The following HEG1 variants were observed in gnomAD, a reference collection of about 807,000 sequenced individuals.
The protein encoded by HEG1 is protein HEG homolog 1.
HEG1 carries 56 observed loss-of-function variants against 125.6 expected under a neutral mutation model. The ratio of observed to expected loss-of-function variants is 0.45; its 90% confidence interval spans 0.36 to 0.56. HEG1 has a LOEUF of 0.56. HEG1 is among the 20% of genes least tolerant of loss of function. The pLI is 0.00. For missense variants in HEG1, 1,523 were observed against 1,670.0 expected, an observed-to-expected ratio of 0.91 and a Z score of 1.53; for synonymous variants, 644 against 668.5, an observed-to-expected ratio of 0.96 and a Z score of 0.57.
chr3:125,027,897 T>C (rs1191438739), intron 2 of HEG1, among the ~76,000 whole-genome samples: 1 of 152,188 alleles, frequency 6.6e-6, no homozygotes, highest in Non-Finnish European at 1.5e-5. Flanking sequence ...GGGAATGTCA[T>C]GTGCAGAGTT....
chr3:124,970,573 C>A lies in HEG1; in HGVS notation c.*79G>T. ...AGCGTGGCTCCCGACAAATCCTGGGCGCAGCCTCCTGGTGCGGTCCTCTGA... is the reference window on the plus strand; with the variant it reads ...AGCGTGGCTCCCGACAAATCCTGGGAGCAGCCTCCTGGTGCGGTCCTCTGA... On this transcript the variant is annotated 3_prime_UTR_variant, in exon 17 of 17. Transcript: ENST00000311127. 7.4e-7 allele frequency: 1 copy of A among 1,346,734 alleles called. No individual in the cohort carries two copies. Among genetic ancestry groups the A allele is most frequent in the Non-Finnish European group, 1.0e-6 (1 of 982,736 alleles). 83.4% of individuals were successfully genotyped at this position (1,346,734 alleles called of 1,614,324 possible). A position where few individuals can be genotyped will look rare whatever the true frequency, so the allele number is the denominator to read the frequency against.
chr3:124,991,714 C>T lies in HEG1; in HGVS notation c.3653-728G>A, dbSNP rs561179421. Among the ~76,000 whole-genome samples the T allele has an allele frequency of 1.5e-3, 220 of 151,272 alleles. 1 individual carries two copies. Among genetic ancestry groups the T allele is most frequent in the African/African-American group, 4.9e-3 (201 of 41,224 alleles). On this transcript the variant is annotated intron_variant, in intron 12 of 16. Coordinates refer to ENST00000311127, the MANE Select transcript of HEG1 (RefSeq NM_020733.2). ...GCAACCTCGACCTCCCAGGTTCAAA[C>T]GATTCTCCGGCCTCAGCCTCCCAAG...
intron 1 of HEG1, among the ~76,000 whole-genome samples, chr3:125,048,165 A>C (rs551119110): frequency 5.3e-5 from 8 of 152,338 alleles, no homozygotes; most frequent in African/African-American, 1.9e-4. Context: ...ACATGACATG[A>C]AAGCTAGAAT....
At chr3:124,970,873 A>T in intron 16 of HEG1, 72 bp from the exon 17 acceptor site, 1 of 1,263,844 alleles carries the variant, frequency 7.9e-7, no homozygotes. Context: ...TTAAATCCCA[A>T]TGATTTTAGA....
chr3:124,976,507 T>G (rs1161175388), intron 15 of HEG1, among the ~76,000 whole-genome samples: 7 of 152,084 alleles, frequency 4.6e-5, no homozygotes, highest in Non-Finnish European at 8.8e-5. Flanking sequence ...ATTTTTTTTT[T>G]TTTTAATAGC....
chr3:125,054,325 C>T (rs936609961), intron 1 of HEG1, among the ~76,000 whole-genome samples: 3 of 151,684 alleles, frequency 2.0e-5, no homozygotes, highest in African/African-American at 7.3e-5. Context: ...CAATCTTATG[C>T]CAGTGATTTA....
At chr3:125,029,161 A>T in intron 2 of HEG1, 34 bp downstream of exon 2, 1 of 1,592,924 alleles carries the variant, frequency 6.3e-7, no homozygotes, top group Non-Finnish European at 8.6e-7. Context: ...CTGGACACAC[A>T]TGCGTGAAAT....
chr3:125,019,634 G>A (rs1463019651), intron 4 of HEG1, 37 bp from the exon 5 acceptor site: 1 of 1,533,050 alleles, frequency 6.5e-7, no homozygotes, highest in South Asian at 1.2e-5. Context: ...CCATTACATA[G>A]GTATGAAAGA....
At chr3:125,038,326 G>A (rs1937564980) in intron 1 of HEG1, among the ~76,000 whole-genome samples, 1 of 152,178 alleles carries the variant, frequency 6.6e-6, no homozygotes, top group Admixed American at 6.5e-5. Flanking sequence ...TGAGACCTGG[G>A]ACCACCTCCA....
At chr3:124,970,913 T>C in intron 16 of HEG1, 112 bp from the exon 17 acceptor site, 2 of 892,214 alleles carry the variant, frequency 2.2e-6, no homozygotes, top group Non-Finnish European at 3.4e-6. Context: ...GGGTTTATCC[T>C]GTATGATGTG....
rs1579417365 is a variant in HEG1 at position 125,013,325 on chromosome 3, C to T, written c.2254G>A (p.Glu752Lys). The change falls in exon 6 of 17, where the codon GAG becomes AAG. Residue 752 changes from glutamate to lysine, a missense_variant. Glu to Lys is a moderately conservative substitution (Grantham distance 56, BLOSUM62 1). Transcript: ENST00000311127. ...GTCTGAAATGAAGTCACAGGAGTCT[C>T]CCTTGCCCTGGGCAGGACAGGGGTA... ...SSTPVLPRAR[E>K]TPVTSFQTST... The T allele has an allele frequency of 6.2e-7, 1 of 1,613,788 alleles. No homozygotes were observed. Among genetic ancestry groups the T allele is most frequent in the Non-Finnish European group, 8.5e-7 (1 of 1,179,874 alleles).
chr3:125,006,665 A>G (rs1343321331), intron 8 of HEG1, among the ~76,000 whole-genome samples: 1 of 152,214 alleles, frequency 6.6e-6, no homozygotes, highest in East Asian at 1.9e-4. Flanking sequence ...CTCTGAAAAC[A>G]TTCTTGGCCA....
At chr3:125,035,119 C>T (rs555744835) in intron 1 of HEG1, among the ~76,000 whole-genome samples, 30 of 152,294 alleles carry the variant, frequency 2.0e-4, no homozygotes, top group African/African-American at 6.5e-4. Flanking sequence ...TGTGCCATCA[C>T]ACCTGGTTAA....
At chr3:124,996,832 C>A (rs1936929699) in intron 12 of HEG1, among the ~76,000 whole-genome samples, 1 of 152,168 alleles carries the variant, frequency 6.6e-6, no homozygotes, top group Admixed American at 6.5e-5. Context: ...GGAAAACTGG[C>A]CATCCATGAT....
At chr3:124,990,261 C>T (rs1445386412) in intron 14 of HEG1, among the ~76,000 whole-genome samples, 2 of 152,090 alleles carry the variant, frequency 1.3e-5, no homozygotes, top group Non-Finnish European at 2.9e-5. Flanking sequence ...GTGTTTCTCT[C>T]CCTGCCCAGC....
rs1936350765 is a variant in HEG1 at position 124,968,095 on chromosome 3, G to GT, written c.*2556dup. The GT allele has an allele frequency of 6.6e-6, 1 of 152,546 alleles. No individual in the cohort carries two copies. Among genetic ancestry groups the GT allele is most frequent in the African/African-American group, 2.4e-5 (1 of 41,588 alleles). 9.4% of individuals were successfully genotyped at this position (152,546 alleles called of 1,614,324 possible). A position where few individuals can be genotyped will look rare whatever the true frequency, so the allele number is the denominator to read the frequency against. Reference sequence around the variant, plus strand: ...ATATTGGTGCAGGATTGTGGCATCTGTGCACGTGAATCACACACCCCAGGT... The same window carrying GT: ...ATATTGGTGCAGGATTGTGGCATCTGTTGCACGTGAATCACACACCCCAGGT... On this transcript the variant is annotated 3_prime_UTR_variant, in exon 17 of 17. Transcript: ENST00000311127.
At chr3:125,045,526 T>C (rs566870024) in intron 1 of HEG1, among the ~76,000 whole-genome samples, 1 of 152,152 alleles carries the variant, frequency 6.6e-6, no homozygotes, top group Non-Finnish European at 1.5e-5. Flanking sequence ...GTGAAGGACA[T>C]CCCACCTGGT....
chr3:124,984,649 C>T (rs1421154776), intron 14 of HEG1, among the ~76,000 whole-genome samples: 2 of 151,966 alleles, frequency 1.3e-5, no homozygotes, highest in African/African-American at 2.4e-5. Context: ...ATTCCAGCTA[C>T]TCAGGAGGCT....
chr3:125,029,564 C>T (rs1423438433), intron 1 of HEG1, 76 bp from the exon 2 acceptor site: 6 of 1,365,398 alleles, frequency 4.4e-6, no homozygotes, highest in East Asian at 2.3e-5. Flanking sequence ...GAAAAGACAC[C>T]GTGAAATACA....
Sources: allele counts gnomAD v4.1 joint callset (sites outside exome capture counted in the v4.1 genomes callset), GRCh38; gene constraint gnomAD v4.1.1; transcripts MANE v1.5; gene names NCBI Gene and HGNC (gene_info 2026-07-23, HGNC 2026-07-21).